FRMD4A: variants seen among roughly 807,000 people sequenced by gnomAD.
The protein encoded by FRMD4A is FERM domain-containing protein 4A.
A neutral mutation model predicts 129.1 loss-of-function variants in FRMD4A; 29 were observed. The observed-to-expected ratio is 0.22, with a 90% CI of 0.17 to 0.31. The LOEUF (loss-of-function observed/expected upper bound fraction) is 0.31, where lower values mean the gene tolerates loss of function less well. Among genes scored for constraint, FRMD4A ranks in the 10% least tolerant of loss-of-function variants. The probability of loss-of-function intolerance (pLI) is 1.00; values close to 1 mark genes in which losing one functional copy is unlikely to be tolerated. For synonymous variants in FRMD4A, 634 were observed against 571.6 expected (o/e 1.11, Z -1.56); for missense variants, 1,272 against 1,375.8 (o/e 0.92, Z 1.19).
At chr10:14,098,633 C>T (rs1363012293) in intron 2 of FRMD4A, among the ~76,000 whole-genome samples, 2 of 152,140 alleles carry the variant, frequency 1.3e-5, no homozygotes, top group African/African-American at 4.8e-5. Flanking sequence ...TGGTCTCAAT[C>T]TCCTGACCCC....
At chr10:14,199,282 TTTTA>T (rs3034001) in intron 2 of FRMD4A, among the ~76,000 whole-genome samples, 19,969 of 130,642 alleles carry the variant, frequency 0.15, 1,516 homozygotes, top group East Asian at 0.25. Flanking sequence ...AAGTGTCTTA[TTTTA>T]TTTATTTATT....
intron 2 of FRMD4A, among the ~76,000 whole-genome samples, chr10:14,185,503 G>A (rs4750481): frequency 0.27 from 40,350 of 152,028 alleles, 5,452 homozygotes; most frequent in Admixed American, 0.32. Flanking sequence ...CTAACTTCAA[G>A]TATTTTTTGG....
chr10:14,016,192 G>A (rs907826094), intron 2 of FRMD4A, among the ~76,000 whole-genome samples: 7 of 152,326 alleles, frequency 4.6e-5, no homozygotes, highest in Middle Eastern at 3.4e-3. Context: ...GGAGGAAAAC[G>A]CAGCCTGTGC....
At chr10:13,786,708 G>A (rs2092874516) in intron 5 of FRMD4A, among the ~76,000 whole-genome samples, 1 of 152,116 alleles carries the variant, frequency 6.6e-6, no homozygotes, top group Admixed American at 6.6e-5. Context: ...GAAAAGCGAG[G>A]AAAGGGAGAG....
chr10:13,673,697 T>C (rs2083715341), intron 16 of FRMD4A, among the ~76,000 whole-genome samples: 1 of 150,626 alleles, frequency 6.6e-6, no homozygotes, highest in Non-Finnish European at 1.5e-5. Flanking sequence ...AATGGATATT[T>C]AAATAAATAA....
At chr10:13,950,187 C>G (rs1323269020) in intron 2 of FRMD4A, among the ~76,000 whole-genome samples, 1 of 152,208 alleles carries the variant, frequency 6.6e-6, no homozygotes, top group Non-Finnish European at 1.5e-5. Context: ...AGATGAGTGG[C>G]TTTAGGGGAT....
At chr10:13,682,551 A>G (rs991648315) in intron 15 of FRMD4A, among the ~76,000 whole-genome samples, 23 of 131,764 alleles carry the variant, frequency 1.7e-4, no homozygotes, top group African/African-American at 5.8e-4. Flanking sequence ...CCAAAGCTGG[A>G]GTGCAGTGGC....
chr10:13,913,072 T>TC (rs1400270385), intron 2 of FRMD4A, among the ~76,000 whole-genome samples: 11 of 126,634 alleles, frequency 8.7e-5, no homozygotes, highest in African/African-American at 3.2e-4. Flanking sequence ...AAACTCCATT[T>TC]AAAAAAAAAA....
chr10:13,733,659 T>C (rs1205217090), intron 12 of FRMD4A, among the ~76,000 whole-genome samples: 1 of 152,236 alleles, frequency 6.6e-6, no homozygotes, highest in African/African-American at 2.4e-5. Flanking sequence ...ATTCCTGACC[T>C]CAGGTGATCT....
At chr10:13,716,788 T>C (rs2088851511) in intron 12 of FRMD4A, among the ~76,000 whole-genome samples, 1 of 152,180 alleles carries the variant, frequency 6.6e-6, no homozygotes, top group Non-Finnish European at 1.5e-5. Context: ...GCCATTTTGT[T>C]TTTCTCCATT....
At chr10:13,771,934 A>G (rs11258590) in intron 6 of FRMD4A, among the ~76,000 whole-genome samples, 2 of 151,330 alleles carry the variant, frequency 1.3e-5, no homozygotes, top group East Asian at 1.9e-4. Flanking sequence ...AAAACCAAAC[A>G]AAACAAAACA....
At position 14,316,524 on chromosome 10, in the gene FRMD4A, A is replaced by AGAAG. The variant is rs1554808603; in HGVS notation, c.45+13533_45+13534insCTTC. Among the ~76,000 whole-genome samples, 316 of 132,658 alleles carry AGAAG rather than the reference A, an allele frequency of 2.4e-3. 2 individuals carry two copies. The highest frequency in any genetic ancestry group is 7.8e-3 in the African/African-American group (296 of 38,068). 87.0% of individuals were successfully genotyped at this position (132,658 alleles called of 152,430 possible). A position where few individuals can be genotyped will look rare whatever the true frequency, so the allele number is the denominator to read the frequency against. On this transcript the variant is annotated intron_variant, in intron 2 of 24. Transcript: ENST00000357447. ...TGATAGCAGCAAAAAAAAAAAAAAA[A>AGAAG]AAGAAGAAGAAGAAGAAGAAACCAG...
At chr10:13,701,050 G>C (rs976257430) in intron 14 of FRMD4A, among the ~76,000 whole-genome samples, 3 of 152,028 alleles carry the variant, frequency 2.0e-5, no homozygotes, top group African/African-American at 7.2e-5. Flanking sequence ...ATTCTCCCGA[G>C]GGCCAAAAGC....
chr10:13,878,226 A>G (rs1309143401), intron 2 of FRMD4A, among the ~76,000 whole-genome samples: 1 of 149,328 alleles, frequency 6.7e-6, no homozygotes, highest in African/African-American at 2.5e-5. Context: ...TTGTAGCAAA[A>G]AAAAAAAAAA....
chr10:13,800,458 C>T (rs2093228236), intron 4 of FRMD4A, among the ~76,000 whole-genome samples: 1 of 152,202 alleles, frequency 6.6e-6, no homozygotes, highest in Non-Finnish European at 1.5e-5. Flanking sequence ...GGCTTTCAAT[C>T]ACCCACAGAC....
At chr10:14,283,409 A>G (rs1279964185) in intron 2 of FRMD4A, among the ~76,000 whole-genome samples, 2 of 152,214 alleles carry the variant, frequency 1.3e-5, no homozygotes, top group African/African-American at 4.8e-5. Context: ...ACCTAATTAT[A>G]AGCTTATTTT....
rs188279090 is a variant in FRMD4A, at chr10:13,808,263, A to G, written c.206+2551T>C. Among the ~76,000 whole-genome samples the G allele has an allele frequency of 9.2e-5, 14 of 152,344 alleles. 1 individual carries two copies. In the East Asian group the frequency reaches 2.7e-3, roughly 29 times the overall value. On this transcript the variant is annotated intron_variant, in intron 4 of 24. Transcript: ENST00000357447. The stretch of plus-strand genomic sequence containing the variant: ...TGATACACCACAGGCTGTCATAAAG[A>G]ATGGAACTACGATTGCATTTTACTG...
intron 2 of FRMD4A, among the ~76,000 whole-genome samples, chr10:13,990,171 G>C (rs1215973026): frequency 6.6e-6 from 1 of 152,204 alleles, no homozygotes; most frequent in Non-Finnish European, 1.5e-5. Flanking sequence ...CAACCTCAAA[G>C]GGCTGCTCTG....
intron 2 of FRMD4A, among the ~76,000 whole-genome samples, chr10:14,082,379 A>C (rs1379403529): frequency 6.6e-6 from 1 of 152,224 alleles, no homozygotes; most frequent in Non-Finnish European, 1.5e-5. Flanking sequence ...CTAGATATCA[A>C]CTTACTTAAG....
Sources: allele counts gnomAD v4.1 joint callset (sites outside exome capture counted in the v4.1 genomes callset), GRCh38; gene constraint gnomAD v4.1.1; transcripts MANE v1.5; gene names NCBI Gene and HGNC (gene_info 2026-07-23, HGNC 2026-07-21).